The following PRELID2 variants were observed in gnomAD, a reference collection of about 807,000 sequenced individuals.
The protein encoded by PRELID2 is PRELI domain containing 2, also known as PRELI domain-containing protein 2.
In PRELID2, 25 loss-of-function variants were observed where a neutral mutation model predicts 28.4. That is an observed-to-expected ratio of 0.88 (90% CI 0.64 to 1.23). The LOEUF (loss-of-function observed/expected upper bound fraction) is 1.23. PRELID2 is among the 50% of genes most tolerant of loss of function. The pLI is 0.00. For missense variants in PRELID2, 201 were observed against 214.4 expected, an observed-to-expected ratio of 0.94 and a Z score of 0.39; for synonymous variants, 76 against 71.6, an observed-to-expected ratio of 1.06 and a Z score of -0.31.
At chr5:145,464,313 G>A in the PRELID2 span, among the ~76,000 whole-genome samples, 1 of 152,110 alleles carries the variant, frequency 6.6e-6, no homozygotes, top group African/African-American at 2.4e-5. Flanking sequence ...ATTAGAATAA[G>A]GGAAAGGTGG....
chr5:145,234,050 C>T, the PRELID2 span, among the ~76,000 whole-genome samples: 4 of 152,088 alleles, frequency 2.6e-5, no homozygotes, highest in East Asian at 5.8e-4. Context: ...ATTATATTTA[C>T]ATGGAGTATT....
intron 1 of PRELID2, among the ~76,000 whole-genome samples, chr5:145,627,182 T>C (rs987408757): frequency 2.0e-5 from 2 of 99,610 alleles, no homozygotes; most frequent in African/African-American, 6.9e-5. Context: ...AACTCAGCCA[T>C]AAAAAAGAAT....
At chr5:145,426,301 A>G in the PRELID2 span, among the ~76,000 whole-genome samples, 3 of 152,134 alleles carry the variant, frequency 2.0e-5, no homozygotes. Flanking sequence ...TTTCCTTCAG[A>G]CGTTAAATTT....
intron 1 of PRELID2, among the ~76,000 whole-genome samples, chr5:145,746,154 C>T (rs1756985414): frequency 6.6e-6 from 1 of 152,156 alleles, no homozygotes; most frequent in South Asian, 2.1e-4. Flanking sequence ...AGATCAAATT[C>T]ATATATAACA....
At chr5:145,664,379 T>G (rs897563785) in intron 1 of PRELID2, among the ~76,000 whole-genome samples, 17 of 152,290 alleles carry the variant, frequency 1.1e-4, no homozygotes, top group Middle Eastern at 3.4e-3. Flanking sequence ...AGAAGCAGAA[T>G]GAAGAAGGCC....
exon 2 of PRELID2, chr5:145,473,231 C>T (rs1442362628): frequency 6.6e-6 from 1 of 152,124 alleles, no homozygotes; most frequent in Non-Finnish European, 1.5e-5. Context: ...TGGATCCACG[C>T]CAGATGTTAA....
At chr5:145,326,658 CA>C in the PRELID2 span, among the ~76,000 whole-genome samples, 4 of 151,782 alleles carry the variant, frequency 2.6e-5, no homozygotes, top group Non-Finnish European at 2.9e-5. Context: ...ATAGTGGTAT[CA>C]AAATTAATTA....
At chr5:145,537,439 C>T (rs1752708459) in intron 1 of PRELID2, among the ~76,000 whole-genome samples, 1 of 151,860 alleles carries the variant, frequency 6.6e-6, no homozygotes, top group Non-Finnish European at 1.5e-5. Flanking sequence ...TCCCACTAAA[C>T]AGTATGTAAG....
At chr5:145,229,783 C>T in the PRELID2 span, 15 of 755,616 alleles carry the variant, frequency 2.0e-5, no homozygotes, top group African/African-American at 2.5e-4. Context: ...CTGATATACA[C>T]CAGTTTCTGA....
intron 1 of PRELID2, among the ~76,000 whole-genome samples, chr5:145,740,957 A>AATATATATGTACATATATTTATCT (rs1185477739): frequency 1.2e-4 from 1 of 8,248 alleles, no homozygotes; most frequent in African/African-American, 1.7e-4. Context: ...TTTATCTATA[A>AATATATATGTACATATATTTATCT]ATAAAGTATA....
chr5:145,815,796 A>G (rs1754261394), intron 4 of PRELID2, among the ~76,000 whole-genome samples: 1 of 152,230 alleles, frequency 6.6e-6, no homozygotes, highest in African/African-American at 2.4e-5. Flanking sequence ...ACATTGGGCT[A>G]CATATTTATC....
chr5:145,273,012 C>A, the PRELID2 span, among the ~76,000 whole-genome samples: 3 of 152,038 alleles, frequency 2.0e-5, no homozygotes, highest in African/African-American at 7.2e-5. Flanking sequence ...GCCAGAGAGG[C>A]AAACCAAAAT....
At chr5:145,481,650 A>AAAAAAAAAG (rs1752162758) in intron 1 of PRELID2, among the ~76,000 whole-genome samples, 3 of 117,846 alleles carry the variant, frequency 2.5e-5, no homozygotes, top group African/African-American at 6.5e-5. Flanking sequence ...AAAAAAAAAA[A>AAAAAAAAAG]AAAGAAAGAA....
chr5:145,639,830 A>C (rs1368427232), intron 1 of PRELID2, among the ~76,000 whole-genome samples: 1 of 152,220 alleles, frequency 6.6e-6, no homozygotes, highest in Non-Finnish European at 1.5e-5. Flanking sequence ...TCATATCGAA[A>C]AACAAAATAC....
intron 1 of PRELID2, among the ~76,000 whole-genome samples, chr5:145,561,284 C>T (rs1277820363): frequency 6.6e-6 from 1 of 152,194 alleles, no homozygotes; most frequent in Non-Finnish European, 1.5e-5. Context: ...AAGTTGGGCC[C>T]TTGACCAAGA....
intron 1 of PRELID2, among the ~76,000 whole-genome samples, chr5:145,621,176 T>C (rs576462136): frequency 6.6e-6 from 1 of 152,264 alleles, no homozygotes; most frequent in East Asian, 1.9e-4. Flanking sequence ...AAGAAGCACA[T>C]GAAAAATTGT....
chr5:145,731,721 C>A (rs1480713337), intron 1 of PRELID2, among the ~76,000 whole-genome samples: 1 of 152,180 alleles, frequency 6.6e-6, no homozygotes, highest in Non-Finnish European at 1.5e-5. Flanking sequence ...ATCAGAAATA[C>A]CTGCGCCTCT....
At chr5:145,392,341 C>G in the PRELID2 span, among the ~76,000 whole-genome samples, 1 of 152,028 alleles carries the variant, frequency 6.6e-6, no homozygotes, top group Non-Finnish European at 1.5e-5. Context: ...AGGAGGGAAG[C>G]CAGTTATAAA....
the PRELID2 span, among the ~76,000 whole-genome samples, chr5:145,411,162 C>T: frequency 6.6e-6 from 1 of 152,156 alleles, no homozygotes; most frequent in Non-Finnish European, 1.5e-5. Flanking sequence ...CTTACAGTTC[C>T]ACGTGGCTGG....
Sources: gnomAD v4.1 joint callset for allele counts (sites outside exome capture counted in the v4.1 genomes callset) on GRCh38, gnomAD v4.1.1 for gene constraint, MANE v1.5 for transcripts, NCBI Gene and HGNC (gene_info 2026-07-23, HGNC 2026-07-21) for gene names.